The following ADGRF5 variants were observed in gnomAD, a reference collection of about 807,000 sequenced individuals.
The protein encoded by ADGRF5 is adhesion G protein-coupled receptor F5, also known as G-protein coupled receptor 116.
Under a neutral mutation model 132.3 loss-of-function variants are expected in ADGRF5, and 75 were observed. The ratio of observed to expected loss-of-function variants is 0.57; its 90% confidence interval spans 0.47 to 0.69. ADGRF5 has a LOEUF of 0.69. Ranked by LOEUF, ADGRF5 falls within the 30% of genes least tolerant of loss-of-function variation. The probability of loss-of-function intolerance (pLI) is 0.00; values close to 1 mark genes in which losing one functional copy is unlikely to be tolerated. For synonymous variants in ADGRF5, 629 were observed against 597.6 expected (o/e 1.05, Z -0.77); for missense variants, 1,516 against 1,630.6 (o/e 0.93, Z 1.21).
At chr6:46,874,288 G>A (rs1309203294) in intron 10 of ADGRF5, among the ~76,000 whole-genome samples, 1 of 152,132 alleles carries the variant, frequency 6.6e-6, no homozygotes, top group East Asian at 1.9e-4. Context: ...AACATGCCCT[G>A]TAGCTTTGCA....
At chr6:46,902,960 A>G (rs956929135) in intron 2 of ADGRF5, among the ~76,000 whole-genome samples, 1 of 152,202 alleles carries the variant, frequency 6.6e-6, no homozygotes, top group African/African-American at 2.4e-5. Context: ...CCACAGTTTC[A>G]GATTTTTAGG....
chr6:46,934,989 G>T (rs141105366), intron 1 of ADGRF5, among the ~76,000 whole-genome samples: 1 of 148,424 alleles, frequency 6.7e-6, no homozygotes, highest in Non-Finnish European at 1.5e-5. Context: ...CCACCATATG[G>T]TGATAGTTCT....
Position 46,881,609 on chromosome 6 carries a change from C to T in ADGRF5, c.672-12G>A, listed in dbSNP as rs774117062. The T allele has an allele frequency of 6.8e-6, 11 of 1,611,142 alleles. No individual in the cohort carries two copies. Among genetic ancestry groups the T allele is most frequent in the Middle Eastern group, 1.6e-4 (1 of 6,066 alleles). ...CCACACTTCCAGACCTGGACAGAGA[C>T]CACTCAGTTCAGTAAAACAATAACT... On this transcript the variant is annotated splice_polypyrimidine_tract_variant and intron_variant, in intron 7 of 20. Transcript: ENST00000283296.
chr6:46,929,284 T>G (rs1777420776), intron 1 of ADGRF5, among the ~76,000 whole-genome samples: 1 of 151,874 alleles, frequency 6.6e-6, no homozygotes, highest in South Asian at 2.1e-4. Flanking sequence ...TAGGTGAGAA[T>G]TGAACAATGA....
chr6:46,922,090 GGCCAATGCCCCTA>G (rs1777000935), upstream of ADGRF5: 1 of 152,202 alleles, frequency 6.6e-6, no homozygotes, highest in Admixed American at 6.5e-5. Context: ...AGACTTGTTT[GGCCAATGCCCCTA>G]GTTCTCACTT....
At chr6:46,917,908 A>T (rs145062122) in intron 1 of ADGRF5, among the ~76,000 whole-genome samples, 1 of 152,378 alleles carries the variant, frequency 6.6e-6, no homozygotes, top group Non-Finnish European at 1.5e-5. Flanking sequence ...AATTAAAACA[A>T]ATTCAATCAA....
intron 4 of ADGRF5, among the ~76,000 whole-genome samples, chr6:46,887,705 T>G (rs1773195489): frequency 6.6e-6 from 1 of 152,148 alleles, no homozygotes; most frequent in African/African-American, 2.4e-5. Flanking sequence ...AAAAAACAAT[T>G]CCCTGTTATC....
chr6:46,855,117 G>A lies in ADGRF5; in HGVS notation c.3961+857C>T, dbSNP rs1281854549. 4.6e-5 allele frequency among the ~76,000 whole-genome samples: 7 copies of A among 152,208 alleles called. No homozygotes were observed. In the East Asian group the frequency reaches 1.3e-3, roughly 29 times the overall value. ...GGGGTTTCAATTTGCTAGAATAGCTGAGGTCTGTTGCCCAAAGTTATTAAT... is the reference window on the plus strand; with the variant it reads ...GGGGTTTCAATTTGCTAGAATAGCTAAGGTCTGTTGCCCAAAGTTATTAAT... On this transcript the variant is annotated intron_variant, in intron 20 of 20. Coordinates refer to ENST00000283296, the MANE Select transcript of ADGRF5 (RefSeq NM_001098518.2).
At chr6:46,946,191 G>A (rs1281230394) in intron 1 of ADGRF5, among the ~76,000 whole-genome samples, 1 of 152,206 alleles carries the variant, frequency 6.6e-6, no homozygotes, top group African/African-American at 2.4e-5. Flanking sequence ...ATGGCAGAGG[G>A]AAAGGAACCT....
intron 16 of ADGRF5, 65 bp downstream of exon 16, chr6:46,860,650 G>T: frequency 1.7e-6 from 2 of 1,191,642 alleles, no homozygotes; most frequent in South Asian, 2.8e-5. Context: ...TACGTTTCTT[G>T]AATACAAATT....
At chr6:46,919,285 G>A (rs1776690841) in intron 1 of ADGRF5, among the ~76,000 whole-genome samples, 1 of 152,090 alleles carries the variant, frequency 6.6e-6, no homozygotes. Context: ...TCTCATCTCA[G>A]TCCTCCAAAA....
At chr6:46,869,494 T>G in intron 11 of ADGRF5, 1 of 420,302 alleles carries the variant, frequency 2.4e-6, no homozygotes, top group Non-Finnish European at 3.2e-6. Context: ...TCTCAATCTC[T>G]ACTCTTTTAA....
At chr6:46,909,213 C>T (rs1212400187) in intron 1 of ADGRF5, 1 of 152,106 alleles carries the variant, frequency 6.6e-6, no homozygotes, top group Non-Finnish European at 1.5e-5. Flanking sequence ...CCCTTTAATG[C>T]TAAATTCCCT....
chr6:46,947,021 C>T (rs757770226), intron 1 of ADGRF5, among the ~76,000 whole-genome samples: 2 of 152,166 alleles, frequency 1.3e-5, no homozygotes, highest in South Asian at 2.1e-4. Flanking sequence ...ATTTGCAACA[C>T]GTTGAGTTTG....
At chr6:46,878,537 A>G (rs891144434) in intron 9 of ADGRF5, 132 bp from the exon 10 acceptor site, 4 of 643,322 alleles carry the variant, frequency 6.2e-6, no homozygotes, top group African/African-American at 5.5e-5. Flanking sequence ...GACTTGGTCT[A>G]AAGACGCCTA....
At chr6:46,946,552 A>G (rs1015016616) in intron 1 of ADGRF5, among the ~76,000 whole-genome samples, 3 of 152,170 alleles carry the variant, frequency 2.0e-5, no homozygotes, top group African/African-American at 7.2e-5. Flanking sequence ...TTGTTTTAAG[A>G]TGAGAAGGAT....
At chr6:46,948,196 AAAAC>A (rs2113843006) in intron 1 of ADGRF5, among the ~76,000 whole-genome samples, 1 of 152,334 alleles carries the variant, frequency 6.6e-6, no homozygotes, top group South Asian at 2.1e-4. Flanking sequence ...CTGTAGTAGC[AAAAC>A]AAACAAATAA....
At chr6:46,913,762 C>T (rs970285494) in intron 1 of ADGRF5, among the ~76,000 whole-genome samples, 2 of 152,124 alleles carry the variant, frequency 1.3e-5, no homozygotes, top group African/African-American at 4.8e-5. Context: ...AGGTTCTTCC[C>T]ACATGTAAGC....
chr6:46,941,105 T>C (rs1302270361), intron 1 of ADGRF5, among the ~76,000 whole-genome samples: 1 of 152,040 alleles, frequency 6.6e-6, no homozygotes, highest in Non-Finnish European at 1.5e-5. Context: ...AAGATCAAGG[T>C]GGGAGGAGCC....
Sources: gnomAD v4.1 joint callset for allele counts (sites outside exome capture counted in the v4.1 genomes callset) on GRCh38, gnomAD v4.1.1 for gene constraint, MANE v1.5 for transcripts, NCBI Gene and HGNC (gene_info 2026-07-23, HGNC 2026-07-21) for gene names.